Variants in RC3H1 observed in about 807,000 individuals in gnomAD.
The protein encoded by RC3H1 is ring finger and CCCH-type domains 1.
RC3H1 carries 50 observed loss-of-function variants against 138.2 expected under a neutral mutation model. That is an observed-to-expected ratio of 0.36 (90% CI 0.29 to 0.46). The LOEUF is 0.46. RC3H1 is among the 20% of genes least tolerant of loss of function. The probability of loss-of-function intolerance (pLI) is 1.00; values close to 1 mark genes in which losing one functional copy is unlikely to be tolerated. For synonymous variants in RC3H1, 462 were observed against 489.1 expected, an observed-to-expected ratio of 0.94 and a Z score of 0.73; for missense variants, 1,031 against 1,388.1, an observed-to-expected ratio of 0.74 and a Z score of 4.09.
At chr1:174,006,868 C>T (rs563493942) in intron 1 of RC3H1, among the ~76,000 whole-genome samples, 13 of 152,148 alleles carry the variant, frequency 8.5e-5, no homozygotes, top group Admixed American at 1.3e-4. Context: ...TATCTTAAGA[C>T]GCCTTACTGA....
intron 19 of RC3H1, among the ~76,000 whole-genome samples, chr1:173,939,314 G>C (rs891797918): frequency 6.6e-6 from 1 of 152,044 alleles, no homozygotes; most frequent in East Asian, 1.9e-4. Flanking sequence ...AAGGCAGGTG[G>C]ATCACTTGAG....
intron 11 of RC3H1, among the ~76,000 whole-genome samples, chr1:173,962,943 T>C (rs1659944397): frequency 6.6e-6 from 1 of 152,180 alleles, no homozygotes; most frequent in Non-Finnish European, 1.5e-5. Context: ...GACAACATGA[T>C]TCAAAATTAA....
Position 173,938,624 on chromosome 1 carries a change from G to C in RC3H1, c.*97C>G, listed in dbSNP as rs1658697328. 3 of 878,036 alleles carry C rather than the reference G, an allele frequency of 3.4e-6. No homozygotes were observed. In the South Asian group the frequency reaches 8.3e-5, roughly 24 times the overall value. The allele number at this position is 878,036 out of a possible 1,614,324, so 54.4% of individuals were successfully genotyped here. A position where few individuals can be genotyped will look rare whatever the true frequency, so the allele number is the denominator to read the frequency against. Reference sequence around the variant, plus strand: ...GTGAATTTCCTGGATTTCTCTGACCGCTCTTAAGAGAAAAAGTTTAGAAGT... The same window carrying C: ...GTGAATTTCCTGGATTTCTCTGACCCCTCTTAAGAGAAAAAGTTTAGAAGT... On this transcript the variant is annotated 3_prime_UTR_variant, in exon 20 of 20. Coordinates refer to ENST00000367696, the MANE Select transcript of RC3H1 (RefSeq NM_172071.4).
In RC3H1 at chr1:173,937,465, G is replaced by C. The variant is rs1658653442; in HGVS notation, c.*1256C>G. 1 of 152,010 alleles carries C rather than the reference G, an allele frequency of 6.6e-6. No homozygotes were observed. Among genetic ancestry groups the C allele is most frequent in the South Asian group, 2.1e-4 (1 of 4,806 alleles). 9.4% of individuals were successfully genotyped at this position (152,010 alleles called of 1,614,324 possible). The stretch of plus-strand genomic sequence containing the variant: ...AGTCCCCACTAAACACGTTTTATAG[G>C]GTCTTAGTTAATTAAGCACAGACAC... On this transcript the variant is annotated 3_prime_UTR_variant, in exon 20 of 20. Transcript: ENST00000367696.
At chr1:173,997,856 C>T (rs1281476613) in intron 1 of RC3H1, among the ~76,000 whole-genome samples, 1 of 152,054 alleles carries the variant, frequency 6.6e-6, no homozygotes, top group African/African-American at 2.4e-5. Flanking sequence ...TTTTTTGAGA[C>T]TCAAAGTGTC....
At chr1:173,996,210 C>T (rs2860841) in intron 1 of RC3H1, among the ~76,000 whole-genome samples, 43,858 of 151,824 alleles carry the variant, frequency 0.29, 11,339 homozygotes, top group African/African-American at 0.7. Flanking sequence ...GCCGAAATCA[C>T]GCCGTTGCAC....
intron 1 of RC3H1, among the ~76,000 whole-genome samples, chr1:174,018,630 C>A (rs575529139): frequency 1.9e-4 from 29 of 152,294 alleles, no homozygotes; most frequent in Admixed American, 3.9e-4. Context: ...AAGAAAAAAT[C>A]TTGGAGACGG....
Position 173,936,930 on chromosome 1 carries a change from T to C in RC3H1, c.*1791A>G, listed in dbSNP as rs1283556187. On this transcript the variant is annotated 3_prime_UTR_variant, in exon 20 of 20. Transcript: ENST00000367696. Reference sequence around the variant, plus strand: ...AACATACCCAATATATATACAGATATAGCTATGTATATATGTATATATATA... The same window carrying C: ...AACATACCCAATATATATACAGATACAGCTATGTATATATGTATATATATA... 6.8e-6 allele frequency: 1 copy of C among 146,940 alleles called. No homozygotes were observed. The highest frequency in any genetic ancestry group is 1.5e-5 in the Non-Finnish European group (1 of 66,772). The allele number at this position is 146,940 out of a possible 1,614,324, so 9.1% of individuals were successfully genotyped here. A position where few individuals can be genotyped will look rare whatever the true frequency, so the allele number is the denominator to read the frequency against.
At chr1:173,969,729 A>G (rs1269884171) in intron 9 of RC3H1, among the ~76,000 whole-genome samples, 1 of 151,322 alleles carries the variant, frequency 6.6e-6, no homozygotes, top group African/African-American at 2.4e-5. Flanking sequence ...ATAAAATAAA[A>G]TAAAAATAAA....
At chr1:173,996,302 G>A (rs1661460704) in intron 1 of RC3H1, among the ~76,000 whole-genome samples, 1 of 151,818 alleles carries the variant, frequency 6.6e-6, no homozygotes, top group Non-Finnish European at 1.5e-5. Flanking sequence ...AAAAAGCCTT[G>A]AAGACCAATA....
chr1:173,974,309 T>C (rs574373645), intron 7 of RC3H1, among the ~76,000 whole-genome samples: 95 of 144,530 alleles, frequency 6.6e-4, no homozygotes, highest in South Asian at 5.6e-3. Flanking sequence ...AAAAAAAATT[T>C]AGACAGAGGC....
rs762778791 is a variant in RC3H1, at chr1:173,938,550, T to C, written c.*171A>G. On this transcript the variant is annotated 3_prime_UTR_variant, in exon 20 of 20. Transcript: ENST00000367696. Reference sequence around the variant, plus strand: ...ATTAAAAAAATGCATTAATGTGAACTATGTGCAGGGTTTGTTTTTAGTAGT... The same window carrying C: ...ATTAAAAAAATGCATTAATGTGAACCATGTGCAGGGTTTGTTTTTAGTAGT... The C allele has an allele frequency of 2.0e-5, 9 of 457,724 alleles. No homozygotes were observed. The highest frequency in any genetic ancestry group is 3.4e-5 in the Admixed American group (1 of 29,682). 28.4% of individuals were successfully genotyped at this position (457,724 alleles called of 1,614,324 possible).
At chr1:174,007,148 G>A (rs1416102914) in intron 1 of RC3H1, among the ~76,000 whole-genome samples, 1 of 152,116 alleles carries the variant, frequency 6.6e-6, no homozygotes, top group East Asian at 1.9e-4. Context: ...CCAGCACTTT[G>A]GGAGGCCAAG....
intron 7 of RC3H1, among the ~76,000 whole-genome samples, chr1:173,976,965 C>T (rs919157573): frequency 3.4e-5 from 5 of 149,138 alleles, no homozygotes; most frequent in African/African-American, 1.3e-4. Context: ...CTCTGTTGCC[C>T]AGGCTGGAGT....
rs1661645105 is a variant in RC3H1 at position 174,005,919 on chromosome 1, T to C, written c.-150-12784A>G. Reference sequence around the variant, plus strand: ...CTTACTGGTGACAATCTGAAGACCATTCCTGGCCGGGCGCGGTGGCTCATG... The same window carrying C: ...CTTACTGGTGACAATCTGAAGACCACTCCTGGCCGGGCGCGGTGGCTCATG... On this transcript the variant is annotated intron_variant, in intron 1 of 19. Transcript: ENST00000367696. 2.0e-5 allele frequency among the ~76,000 whole-genome samples: 3 copies of C among 152,090 alleles called. No homozygotes were observed. The South Asian group carries it at 6.2e-4, about 32-fold the overall frequency.
chr1:173,946,603 C>T lies in RC3H1; in HGVS notation c.2834G>A (p.Arg945Lys), dbSNP rs781148062. 2 of 1,613,910 alleles carry T rather than the reference C, an allele frequency of 1.2e-6. No individual in the cohort carries two copies. The highest frequency in any genetic ancestry group is 1.7e-6 in the Non-Finnish European group (2 of 1,179,888). The change falls in exon 17 of 20, where the codon AGA (arginine) becomes AAA (lysine). Residue 945 changes from arginine (R) to lysine (K), a missense_variant. Physicochemically the swap from Arg to Lys is conservative, Grantham distance 26. Coordinates refer to ENST00000367696, the MANE Select transcript of RC3H1 (RefSeq NM_172071.4). The stretch of plus-strand genomic sequence containing the variant: ...ACTGGCCACTTCTGACATAGATATT[C>T]TCTCCCTTTGGTTAGAAAGAAAGTG... Reference protein sequence around the residue: ...PSQGHFSERERISMSEVASHG... With the variant: ...PSQGHFSEREKISMSEVASHG...
intron 4 of RC3H1, 53 bp downstream of exon 4, chr1:173,983,365 C>T (rs919038515): frequency 1.3e-6 from 2 of 1,594,150 alleles, no homozygotes; most frequent in African/African-American, 2.7e-5. Flanking sequence ...ATAATTCCTA[C>T]ATCATACTTT....
intron 1 of RC3H1, among the ~76,000 whole-genome samples, chr1:173,995,546 AAAG>A (rs989906140): frequency 1.3e-5 from 2 of 151,928 alleles, no homozygotes; most frequent in African/African-American, 4.8e-5. Context: ...AAAAAAAAAA[AAAG>A]AAAAAGAAAA....
At chr1:173,965,243 A>C (rs1368031880) in intron 9 of RC3H1, 123 bp from the exon 10 acceptor site, 1 of 897,278 alleles carries the variant, frequency 1.1e-6, no homozygotes, top group Non-Finnish European at 1.6e-6. Flanking sequence ...ATCAGTGTGT[A>C]TATTTTGCAT....
Sources: allele counts gnomAD v4.1 joint callset (sites outside exome capture counted in the v4.1 genomes callset), GRCh38; gene constraint gnomAD v4.1.1; transcripts MANE v1.5; gene names NCBI Gene and HGNC (gene_info 2026-07-23, HGNC 2026-07-21).